Variants in DLG5 observed in about 807,000 individuals in gnomAD.
DLG5 encodes discs large MAGUK scaffold protein 5.
In DLG5, 48 loss-of-function variants were observed where a neutral mutation model predicts 189.8. The observed-to-expected ratio is 0.25, with a 90% CI of 0.20 to 0.32. The LOEUF (loss-of-function observed/expected upper bound fraction) is 0.32. Ranked by LOEUF, DLG5 falls within the 10% of genes least tolerant of loss-of-function variation. The probability of loss-of-function intolerance (pLI) is 1.00; values close to 1 mark genes in which losing one functional copy is unlikely to be tolerated. For synonymous variants in DLG5, 1,016 were observed against 1,054.1 expected, an observed-to-expected ratio of 0.96 and a Z score of 0.70; for missense variants, 2,160 against 2,544.7, an observed-to-expected ratio of 0.85 and a Z score of 3.25.
At chr10:77,862,561 GCTAAA>G (rs1158193502) in intron 2 of DLG5, among the ~76,000 whole-genome samples, 1 of 152,200 alleles carries the variant, frequency 6.6e-6, no homozygotes, top group Non-Finnish European at 1.5e-5. Context: ...TTCTTATAAA[GCTAAA>G]CATGCAATTG....
At chr10:77,883,691 C>CTTTTTTT (rs36028891) in intron 1 of DLG5, among the ~76,000 whole-genome samples, 100 of 96,426 alleles carry the variant, frequency 1.0e-3, no homozygotes, top group Non-Finnish European at 1.5e-3. Context: ...TAACATTGTT[C>CTTTTTTT]TTTTTTTTTT....
In DLG5 at chr10:77,830,726, T is replaced by A. The variant is rs756830789; in HGVS notation, c.1881+15A>T. 2 of 1,613,174 alleles carry A rather than the reference T, an allele frequency of 1.2e-6. No individual in the cohort carries two copies. Among genetic ancestry groups the A allele is most frequent in the African/African-American group, 2.7e-5 (2 of 74,648 alleles). On this transcript the variant is annotated intron_variant, in intron 10 of 31. Transcript: ENST00000372391. ...CCATCAGAGAAGGAGAGAAGAACCA[T>A]CAGAGGCAGCTTACCGTCTCCCTCT... is the stretch of plus-strand genomic sequence containing the variant.
intron 1 of DLG5, among the ~76,000 whole-genome samples, chr10:77,891,220 T>A (rs2154577634): frequency 6.6e-6 from 1 of 152,228 alleles, no homozygotes; most frequent in Non-Finnish European, 1.5e-5. Context: ...GTCAGGGTGG[T>A]TTCATGGATG....
At chr10:77,844,359 C>T (rs1390391806) in intron 5 of DLG5, among the ~76,000 whole-genome samples, 3 of 152,218 alleles carry the variant, frequency 2.0e-5, no homozygotes, top group Admixed American at 2.0e-4. Context: ...CTTTGCCTCA[C>T]GCGCCTTTCC....
At chr10:77,824,503 G>A (rs1242635167) in intron 13 of DLG5, 27 bp from the exon 14 acceptor site, 11 of 1,590,918 alleles carry the variant, frequency 6.9e-6, no homozygotes, top group Non-Finnish European at 8.6e-6. Context: ...AGCATGTCAG[G>A]CCACAGGCAG....
At chr10:77,845,639 GAGAA>G (rs1843648945) in intron 5 of DLG5, among the ~76,000 whole-genome samples, 1 of 151,584 alleles carries the variant, frequency 6.6e-6, no homozygotes, top group African/African-American at 2.4e-5. Flanking sequence ...GGAGGAGAAA[GAGAA>G]AGAGAGAGAA....
intron 27 of DLG5, among the ~76,000 whole-genome samples, chr10:77,804,344 A>G (rs987469145): frequency 2.6e-5 from 4 of 152,262 alleles, no homozygotes; most frequent in African/African-American, 9.6e-5. Flanking sequence ...CTCACAGACC[A>G]TTTAAAAATA....
chr10:77,806,718 A>AGCCCCCCCCCCCCCCCC, intron 26 of DLG5, 40 bp downstream of exon 26: 2 of 1,333,652 alleles, frequency 1.5e-6, no homozygotes, highest in Non-Finnish European at 1.1e-6. Context: ...GCCCTCGGCG[A>AGCCCCCCCCCCCCCCCC]CCCCTGCCCC....
At chr10:77,916,725 A>C (rs1383535326) in intron 1 of DLG5, among the ~76,000 whole-genome samples, 2 of 152,064 alleles carry the variant, frequency 1.3e-5, no homozygotes, top group East Asian at 3.9e-4. Context: ...AATTGAACAC[A>C]GAATTACCAT....
At chr10:77,822,398 C>A (rs568419322) in intron 14 of DLG5, among the ~76,000 whole-genome samples, 2 of 152,208 alleles carry the variant, frequency 1.3e-5, no homozygotes, top group African/African-American at 4.8e-5. Context: ...GTAATCCCAG[C>A]GCTTTGGTAG....
intron 1 of DLG5, among the ~76,000 whole-genome samples, chr10:77,897,358 AAAATAAAT>A (rs566516489): frequency 1.3e-5 from 2 of 151,550 alleles, no homozygotes; most frequent in African/African-American, 4.9e-5. Context: ...TCCATCTCCA[AAAATAAAT>A]AAATAAATAA....
At chr10:77,882,423 T>C (rs1845309824) in intron 1 of DLG5, among the ~76,000 whole-genome samples, 1 of 152,114 alleles carries the variant, frequency 6.6e-6, no homozygotes. Context: ...AAATGATCCA[T>C]TTTTCACCTC....
At chr10:77,841,322 A>G (rs945782086) in intron 7 of DLG5, among the ~76,000 whole-genome samples, 1 of 152,040 alleles carries the variant, frequency 6.6e-6, no homozygotes, top group Non-Finnish European at 1.5e-5. Context: ...CAGCCCCCCA[A>G]CCCTGGAGGT....
intron 3 of DLG5, among the ~76,000 whole-genome samples, chr10:77,856,265 T>G (rs1334232877): frequency 6.6e-6 from 1 of 152,054 alleles, no homozygotes; most frequent in East Asian, 1.9e-4. Flanking sequence ...GGTGGGAGGT[T>G]CACTTGAGCC....
At chr10:77,806,737 C>CCCCCCCCCCCCCGA in intron 26 of DLG5, 21 bp downstream of exon 26, 1 of 1,592,028 alleles carries the variant, frequency 6.3e-7, no homozygotes, top group Non-Finnish European at 8.6e-7. Context: ...CCACCCCACC[C>CCCCCCCCCCCCCGA]CAGGCCCGGA....
intron 1 of DLG5, among the ~76,000 whole-genome samples, chr10:77,890,535 G>A (rs537703917): frequency 1.3e-5 from 2 of 152,180 alleles, no homozygotes; most frequent in South Asian, 2.1e-4. Context: ...TACACTTTAC[G>A]GCCGGGCACG....
intron 1 of DLG5, among the ~76,000 whole-genome samples, chr10:77,896,086 A>G (rs1029643534): frequency 2.6e-5 from 4 of 151,860 alleles, no homozygotes; most frequent in Non-Finnish European, 5.9e-5. Context: ...CTTGAACCCA[A>G]GAGGCAAAGT....
intron 1 of DLG5, among the ~76,000 whole-genome samples, chr10:77,898,875 G>A (rs1434486711): frequency 2.0e-5 from 3 of 152,206 alleles, no homozygotes; most frequent in African/African-American, 4.8e-5. Flanking sequence ...CACCCACGCC[G>A]GGACGGGGCA....
chr10:77,827,089 T>C (rs1304795017), intron 13 of DLG5, among the ~76,000 whole-genome samples: 1 of 152,190 alleles, frequency 6.6e-6, no homozygotes, highest in Non-Finnish European at 1.5e-5. Flanking sequence ...TAATAAATTG[T>C]TAACAGTGAT....
Sources: allele counts gnomAD v4.1 joint callset (sites outside exome capture counted in the v4.1 genomes callset), GRCh38; gene constraint gnomAD v4.1.1; transcripts MANE v1.5; gene names NCBI Gene and HGNC (gene_info 2026-07-23, HGNC 2026-07-21).